The following GRM1 variants were observed in gnomAD, a reference collection of about 807,000 sequenced individuals.
The protein encoded by GRM1 is metabotropic glutamate receptor 1.
GRM1 carries 33 observed loss-of-function variants against 90.9 expected under a neutral mutation model. That is an observed-to-expected ratio of 0.36 (90% CI 0.28 to 0.49). The LOEUF is 0.49. GRM1 is among the 20% of genes least tolerant of loss of function. GRM1 has a pLI of 0.99. For missense variants in GRM1, 1,190 were observed against 1,534.3 expected (o/e 0.78, Z 3.75); for synonymous variants, 700 against 613.2 (o/e 1.14, Z -2.09).
At chr6:146,342,962 G>A (rs1241377125) in intron 3 of GRM1, among the ~76,000 whole-genome samples, 5 of 151,594 alleles carry the variant, frequency 3.3e-5, no homozygotes, top group Non-Finnish European at 7.4e-5. Flanking sequence ...TTTTTTTTCA[G>A]ATTTCATCTT....
Position 146,394,771 on chromosome 6 carries a change from CAG to C in GRM1, c.1730-3995_1730-3994del, listed in dbSNP as rs531251614. On this transcript the variant is annotated intron_variant, in intron 6 of 7. Transcript: ENST00000282753. ...GCTTTTCAACAGGGGAACGCTTAAA[CAG>C]AGTCATAAAATAAGCACGCTATTTG... Among the ~76,000 whole-genome samples the C allele has an allele frequency of 9.3e-4, 141 of 152,212 alleles. 1 individual carries two copies. The highest frequency in any genetic ancestry group is 3.1e-3 in the African/African-American group (129 of 41,550).
chr6:146,139,521 T>C (rs1377393630), intron 1 of GRM1, among the ~76,000 whole-genome samples: 1 of 152,240 alleles, frequency 6.6e-6, no homozygotes, highest in East Asian at 1.9e-4. Flanking sequence ...ATATTTACAA[T>C]TGTTATATCC....
intron 1 of GRM1, among the ~76,000 whole-genome samples, chr6:146,147,792 A>T (rs1490121351): frequency 6.6e-6 from 1 of 152,122 alleles, no homozygotes; most frequent in African/African-American, 2.4e-5. Flanking sequence ...GGGGGTCCTG[A>T]GTCCTGTATA....
intron 2 of GRM1, among the ~76,000 whole-genome samples, chr6:146,298,000 C>T (rs1783242279): frequency 1.3e-5 from 2 of 152,118 alleles, no homozygotes; most frequent in African/African-American, 4.8e-5. Flanking sequence ...TTGCCTGAGG[C>T]CCCTGAGCTG....
intron 1 of GRM1, among the ~76,000 whole-genome samples, chr6:146,050,377 G>C (rs1198996501): frequency 1.3e-5 from 2 of 151,986 alleles, no homozygotes; most frequent in Admixed American, 6.6e-5. Flanking sequence ...CAGATAGAGG[G>C]AGGCATTGTC....
intron 1 of GRM1, among the ~76,000 whole-genome samples, chr6:146,067,565 A>T (rs75457456): frequency 0.029 from 4,458 of 152,228 alleles, 232 homozygotes; most frequent in African/African-American, 0.1. Flanking sequence ...ATAAATAAAT[A>T]ACCAAACATG....
At chr6:146,284,443 A>G (rs1010252642) in intron 2 of GRM1, among the ~76,000 whole-genome samples, 1 of 152,230 alleles carries the variant, frequency 6.6e-6, no homozygotes, top group Non-Finnish European at 1.5e-5. Context: ...ATGCTTCATT[A>G]CATGAGTAAT....
chr6:146,231,414 G>A (rs1044778587), intron 2 of GRM1, among the ~76,000 whole-genome samples: 3 of 152,102 alleles, frequency 2.0e-5, no homozygotes, highest in Non-Finnish European at 2.9e-5. Context: ...ACCGGAATTT[G>A]CAGTACTATG....
chr6:146,376,915 A>G (rs1266758849), intron 5 of GRM1, among the ~76,000 whole-genome samples: 1 of 152,070 alleles, frequency 6.6e-6, no homozygotes, highest in Non-Finnish European at 1.5e-5. Flanking sequence ...TGCTGTTCTC[A>G]TGATGGTGAA....
intron 7 of GRM1, among the ~76,000 whole-genome samples, chr6:146,401,515 A>G (rs942576153): frequency 6.6e-6 from 1 of 152,208 alleles, no homozygotes; most frequent in Non-Finnish European, 1.5e-5. Flanking sequence ...AAAGAAAATG[A>G]AAAGAAAGAA....
intron 1 of GRM1, among the ~76,000 whole-genome samples, chr6:146,143,115 A>G (rs1276294788): frequency 6.6e-6 from 1 of 152,084 alleles, no homozygotes; most frequent in African/African-American, 2.4e-5. Flanking sequence ...CAGATAATGA[A>G]TCCTCCAGGA....
chr6:146,152,842 T>G (rs1777390289), intron 1 of GRM1, among the ~76,000 whole-genome samples: 1 of 152,164 alleles, frequency 6.6e-6, no homozygotes, highest in African/African-American at 2.4e-5. Flanking sequence ...CAGCCCTGAG[T>G]GTTTACAATT....
At chr6:146,086,465 A>G (rs1301198528) in intron 1 of GRM1, among the ~76,000 whole-genome samples, 1 of 152,150 alleles carries the variant, frequency 6.6e-6, no homozygotes, top group Non-Finnish European at 1.5e-5. Flanking sequence ...AAAGCTGCTA[A>G]TCAGGTAAGT....
At chr6:146,164,109 C>T (rs1170030265) in intron 2 of GRM1, among the ~76,000 whole-genome samples, 1 of 151,926 alleles carries the variant, frequency 6.6e-6, no homozygotes, top group African/African-American at 2.4e-5. Context: ...GAAAGTAAAA[C>T]TGAGAATAAT....
intron 1 of GRM1, among the ~76,000 whole-genome samples, chr6:146,112,359 G>GT (rs377103305): frequency 5.6e-4 from 83 of 149,144 alleles, no homozygotes; most frequent in African/African-American, 1.3e-3. Context: ...CTTCAGAAAA[G>GT]TTTTTTTTTT....
chr6:146,383,549 A>T (rs1401836611), intron 5 of GRM1, among the ~76,000 whole-genome samples: 1 of 152,056 alleles, frequency 6.6e-6, no homozygotes, highest in Non-Finnish European at 1.5e-5. Context: ...ATAGGTGTGA[A>T]TTTTTTCAGA....
At position 146,332,112 on chromosome 6, in the gene GRM1, A is replaced by T. The variant is rs1037821297; in HGVS notation, c.1187-20138A>T. Among the ~76,000 whole-genome samples the T allele has an allele frequency of 2.0e-5, 3 of 152,166 alleles. No homozygotes were observed. The East Asian group carries it at 5.8e-4, about 29-fold the overall frequency. On this transcript the variant is annotated intron_variant, in intron 3 of 7. Coordinates refer to ENST00000282753, the MANE Select transcript of GRM1 (RefSeq NM_001278064.2). ...AATGTGAAAACCCATTGTCTTTTTCATGGAGTATCTTTTTATAGTTGGCTG... is the reference window on the plus strand; with the variant it reads ...AATGTGAAAACCCATTGTCTTTTTCTTGGAGTATCTTTTTATAGTTGGCTG...
chr6:146,346,116 T>C (rs1785181142), intron 3 of GRM1, among the ~76,000 whole-genome samples: 1 of 152,256 alleles, frequency 6.6e-6, no homozygotes, highest in South Asian at 2.1e-4. Context: ...GTTTTCCAGA[T>C]ACACCATAAT....
intron 2 of GRM1, among the ~76,000 whole-genome samples, chr6:146,280,048 T>C (rs1268563441): frequency 1.3e-5 from 2 of 152,210 alleles, no homozygotes; most frequent in East Asian, 1.9e-4. Context: ...TTGGTCAAAA[T>C]TGACAAGTTT....
Sources: gnomAD v4.1 joint callset for allele counts (sites outside exome capture counted in the v4.1 genomes callset) on GRCh38, gnomAD v4.1.1 for gene constraint, MANE v1.5 for transcripts, NCBI Gene and HGNC (gene_info 2026-07-23, HGNC 2026-07-21) for gene names.